RNF220: variants seen among roughly 807,000 people sequenced by gnomAD.
The protein encoded by RNF220 is ring finger protein 220, also known as E3 ubiquitin-protein ligase RNF220.
In RNF220, 7 loss-of-function variants were observed where a neutral mutation model predicts 67.1. That is an observed-to-expected ratio of 0.10 (90% CI 0.06 to 0.20). RNF220 has a LOEUF of 0.20. Among genes scored for constraint, RNF220 ranks in the 10% least tolerant of loss-of-function variants. The pLI, the probability that RNF220 is intolerant of heterozygous loss-of-function variation, is 1.00. For missense variants in RNF220, 565 were observed against 740.3 expected (o/e 0.76, Z 2.75); for synonymous variants, 270 against 283.2 (o/e 0.95, Z 0.47).
chr1:44,636,060 G>A lies in RNF220; in HGVS notation c.1024G>A (p.Ala342Thr). ...AGGCTCCTGCATGGCTGAGGATGAT[G>A]CTGTGGACATCGAGCATGAGAACAA... Reference protein sequence around the residue: ...REGSCMAEDDAVDIEHENNNR... With the variant: ...REGSCMAEDDTVDIEHENNNR... Residue 342 changes from alanine to threonine, a missense_variant, in exon 8 of 15, where the codon GCT (alanine) becomes ACT (threonine). By Grantham distance (58) the Ala-to-Thr change is moderately conservative. Transcript: ENST00000361799. 1 of 1,614,260 alleles carries A rather than the reference G, an allele frequency of 6.2e-7. No homozygotes were observed. The highest frequency in any genetic ancestry group is 8.5e-7 in the Non-Finnish European group (1 of 1,180,052).
At chr1:44,647,331 T>C (rs1020100004) in intron 12 of RNF220, among the ~76,000 whole-genome samples, 6 of 152,190 alleles carry the variant, frequency 3.9e-5, no homozygotes, top group African/African-American at 1.4e-4. Flanking sequence ...CAGCTACAAA[T>C]CCTTGTCTCC....
Position 44,644,991 on chromosome 1 carries a change from C to G in RNF220, c.1224-4C>G, listed in dbSNP as rs1480217343. ...GGATCCATTGTCCTTGACCACCATG[C>G]CAGATACACAGAGGCTGATGTCATC... On this transcript the variant is annotated splice_region_variant and splice_polypyrimidine_tract_variant and intron_variant, in intron 9 of 14. Transcript: ENST00000361799. The G allele has an allele frequency of 6.2e-7, 1 of 1,613,752 alleles. No homozygotes were observed. The highest frequency in any genetic ancestry group is 1.1e-5 in the South Asian group (1 of 91,044).
At chr1:44,458,246 G>A (rs1653398724) in intron 2 of RNF220, among the ~76,000 whole-genome samples, 1 of 151,100 alleles carries the variant, frequency 6.6e-6, no homozygotes, top group South Asian at 2.1e-4. Context: ...AGCAGAGTGA[G>A]ACACTGTCTC....
chr1:44,624,259 G>C lies in RNF220; in HGVS notation c.804+1472G>C, dbSNP rs944419277. Among the ~76,000 whole-genome samples, 3 of 152,346 alleles carry C rather than the reference G, an allele frequency of 2.0e-5. No homozygotes were observed. Among genetic ancestry groups the C allele is most frequent in the Middle Eastern group, 3.4e-3 (1 of 294 alleles). Reference sequence around the variant, plus strand: ...TTAATGGTGTGGTTCAGGAAAGTCAGAGACAAGCTTCCAAGTCGGCCACCA... The same window carrying C: ...TTAATGGTGTGGTTCAGGAAAGTCACAGACAAGCTTCCAAGTCGGCCACCA... On this transcript the variant is annotated intron_variant, in intron 4 of 14. Coordinates refer to ENST00000361799, the MANE Select transcript of RNF220 (RefSeq NM_018150.4). This position sits in a 1 kb window ranked among gnomAD's most constrained non-coding sequence, Gnocchi z 4.2.
chr1:44,488,082 T>C (rs1464969026), intron 2 of RNF220, among the ~76,000 whole-genome samples: 1 of 150,708 alleles, frequency 6.6e-6, no homozygotes, highest in Non-Finnish European at 1.5e-5. Flanking sequence ...GTGATCCTTC[T>C]GCCTCAGTCT....
chr1:44,620,903 G>A (rs372886606), intron 3 of RNF220, among the ~76,000 whole-genome samples: 5 of 148,486 alleles, frequency 3.4e-5, no homozygotes, highest in African/African-American at 1.0e-4. Flanking sequence ...CTGTGTGGCT[G>A]TTGTGAATCT....
rs562016057 is a variant in RNF220, at chr1:44,563,034, A to G, written c.626-51131A>G. On this transcript the variant is annotated intron_variant, in intron 2 of 14. Coordinates refer to ENST00000361799, the MANE Select transcript of RNF220 (RefSeq NM_018150.4). ...CCTGTAACCAAAAAACATGGTAATA[A>G]AAGTTCTCATGGGCACGAATGAAGT... Among the ~76,000 whole-genome samples, 360 of 152,224 alleles carry G rather than the reference A, an allele frequency of 2.4e-3. 1 individual carries two copies. Among genetic ancestry groups the G allele is most frequent in the Non-Finnish European group, 3.7e-3 (252 of 68,032 alleles).
At chr1:44,518,894 A>AC (rs1242245733) in intron 2 of RNF220, among the ~76,000 whole-genome samples, 3 of 151,966 alleles carry the variant, frequency 2.0e-5, no homozygotes, top group East Asian at 1.9e-4. Context: ...AAAAACAAAA[A>AC]AAAAAAAACT....
chr1:44,485,237 G>A (rs1656182156), intron 2 of RNF220, among the ~76,000 whole-genome samples: 1 of 152,200 alleles, frequency 6.6e-6, no homozygotes, highest in South Asian at 2.1e-4. Context: ...GATGCAAACA[G>A]CATTTTATAT....
Position 44,412,766 on chromosome 1 carries a change from T to G in RNF220, c.625+44T>G. 1 of 1,574,330 alleles carries G rather than the reference T, an allele frequency of 6.4e-7. No homozygotes were observed. The highest frequency in any genetic ancestry group is 8.6e-7 in the Non-Finnish European group (1 of 1,159,130). The stretch of plus-strand genomic sequence containing the variant: ...GCCCTCCCTTACCCCCAGTAAGCCC[T>G]GCCTCACCGTGATGTTCAACAGGTC... On this transcript the variant is annotated intron_variant, in intron 2 of 14. Transcript: ENST00000361799. The surrounding 1 kb of genome is among the most constrained non-coding windows in gnomAD (Gnocchi z 5.3).
At position 44,580,048 on chromosome 1, in the gene RNF220, A is replaced by G. The variant is rs796433563; in HGVS notation, c.626-34117A>G. ...TGTCTCACAAAAAAAAAAAAAAAAA[A>G]AAAAAAAAAGAAAGAAAAGAAAGAA... is the stretch of plus-strand genomic sequence containing the variant. On this transcript the variant is annotated intron_variant, in intron 2 of 14. Coordinates refer to ENST00000361799, the MANE Select transcript of RNF220 (RefSeq NM_018150.4). Among the ~76,000 whole-genome samples, 288 of 142,960 alleles carry G rather than the reference A, an allele frequency of 2.0e-3. 11 individuals carry two copies. In the East Asian group the frequency reaches 0.027, roughly 13 times the overall value. 93.8% of individuals were successfully genotyped at this position (142,960 alleles called of 152,430 possible).
At chr1:44,487,297 T>G (rs1656395645) in intron 2 of RNF220, among the ~76,000 whole-genome samples, 1 of 151,862 alleles carries the variant, frequency 6.6e-6, no homozygotes, top group Admixed American at 6.6e-5. Flanking sequence ...ATTGCGCCAT[T>G]GCACTCCAGC....
At position 44,513,230 on chromosome 1, in the gene RNF220, G is replaced by A. The variant is rs115621001; in HGVS notation, c.625+100508G>A. ...GGCTATGAGATCAGAACCTGTGCGA[G>A]GAGCTCTTCTGGGAATGGAAATAAC... On this transcript the variant is annotated intron_variant, in intron 2 of 14. Coordinates refer to ENST00000361799, the MANE Select transcript of RNF220 (RefSeq NM_018150.4). 9.7e-3 allele frequency among the ~76,000 whole-genome samples: 1,471 copies of A among 152,312 alleles called. 18 individuals carry two copies. Among genetic ancestry groups the A allele is most frequent in the African/African-American group, 0.034 (1,421 of 41,572 alleles).
chr1:44,649,868 C>T lies in RNF220; in HGVS notation c.1555-15C>T. On this transcript the variant is annotated splice_polypyrimidine_tract_variant and intron_variant, in intron 13 of 14. Transcript: ENST00000361799. This position sits in a 1 kb window ranked among gnomAD's most constrained non-coding sequence, Gnocchi z 5.9. ...CTACCTCAGAGTGACCCCTTCTCTG[C>T]CCCCTCCTCCCTAGGACTCGTACTC... 1 of 1,613,948 alleles carries T rather than the reference C, an allele frequency of 6.2e-7. No individual in the cohort carries two copies.
intron 2 of RNF220, among the ~76,000 whole-genome samples, chr1:44,607,487 C>CTT (rs10550619): frequency 3.4e-5 from 4 of 118,776 alleles, no homozygotes; most frequent in South Asian, 2.8e-4. Flanking sequence ...GTGCTGTTTT[C>CTT]TTTTTTTTTT....
intron 4 of RNF220, among the ~76,000 whole-genome samples, chr1:44,623,652 T>C (rs1441343257): frequency 6.6e-6 from 1 of 152,140 alleles, no homozygotes; most frequent in Non-Finnish European, 1.5e-5. Flanking sequence ...GATTTGGGAA[T>C]GGGTGGAATC....
intron 2 of RNF220, among the ~76,000 whole-genome samples, chr1:44,598,621 G>T (rs1666706115): frequency 6.6e-6 from 1 of 151,980 alleles, no homozygotes; most frequent in South Asian, 2.1e-4. Flanking sequence ...CTCTGGGATA[G>T]GGGAGCTGCT....
intron 2 of RNF220, among the ~76,000 whole-genome samples, chr1:44,536,758 A>G (rs1306950166): frequency 6.6e-6 from 1 of 152,178 alleles, no homozygotes; most frequent in Non-Finnish European, 1.5e-5. Context: ...ATTCGAAACA[A>G]CTGTGGTGAT....
chr1:44,553,371 AGAATGAATGAATGAATGAAT>A (rs55720653), intron 2 of RNF220, among the ~76,000 whole-genome samples: 10 of 150,792 alleles, frequency 6.6e-5, no homozygotes, highest in East Asian at 3.9e-4. Flanking sequence ...GCTGAGTATA[AGAATGAATGAATGAATGAAT>A]GAATGAATGA....
Sources: gnomAD v4.1 joint callset for allele counts (sites outside exome capture counted in the v4.1 genomes callset) on GRCh38, gnomAD v4.1.1 for gene constraint, Gnocchi (gnomAD v3.1) non-coding constraint, MANE v1.5 for transcripts, NCBI Gene and HGNC (gene_info 2026-07-23, HGNC 2026-07-21) for gene names.